GALNTL6: variants seen among roughly 807,000 people sequenced by gnomAD.
GALNTL6 encodes the protein polypeptide N-acetylgalactosaminyltransferase-like 6.
GALNTL6 carries 46 observed loss-of-function variants against 73.7 expected under a neutral mutation model. That is an observed-to-expected ratio of 0.62 (90% CI 0.49 to 0.80). GALNTL6 has a LOEUF of 0.80. Among genes scored for constraint, GALNTL6 ranks in the 30% least tolerant of loss-of-function variants. The pLI is 0.00. For missense variants in GALNTL6, 604 were observed against 755.0 expected (o/e 0.80, Z 2.34); for synonymous variants, 259 against 263.7 (o/e 0.98, Z 0.17).
chr4:172,379,558 G>A (rs1283609900), intron 5 of GALNTL6, among the ~76,000 whole-genome samples: 2,446 of 60,616 alleles, frequency 0.04, 10 homozygotes, highest in Middle Eastern at 0.081. Flanking sequence ...AAAAAAAAAA[G>A]AACGGGTTAG....
At chr4:173,003,186 G>T (rs1363093312) in intron 10 of GALNTL6, among the ~76,000 whole-genome samples, 1 of 152,078 alleles carries the variant, frequency 6.6e-6, no homozygotes, top group Non-Finnish European at 1.5e-5. Context: ...GATGTCAAAG[G>T]GCTGGGAGAC....
chr4:172,995,029 T>C (rs1579757113), intron 10 of GALNTL6, among the ~76,000 whole-genome samples: 1 of 152,154 alleles, frequency 6.6e-6, no homozygotes, highest in East Asian at 1.9e-4. Context: ...GTACTAAAAA[T>C]TTGCTTTATC....
intron 2 of GALNTL6, among the ~76,000 whole-genome samples, chr4:172,207,137 T>A (rs570362258): frequency 6.6e-6 from 1 of 151,750 alleles, no homozygotes; most frequent in East Asian, 1.9e-4. Flanking sequence ...AATGGGAGAG[T>A]CTTACAACGT....
chr4:172,469,065 C>T (rs1732942769), intron 5 of GALNTL6, among the ~76,000 whole-genome samples: 1 of 152,100 alleles, frequency 6.6e-6, no homozygotes, highest in Admixed American at 6.6e-5. Context: ...CACCCATGAC[C>T]CTCTCCTGAC....
intron 2 of GALNTL6, among the ~76,000 whole-genome samples, chr4:172,151,370 T>C (rs933131524): frequency 6.6e-6 from 1 of 152,218 alleles, no homozygotes; most frequent in African/African-American, 2.4e-5. Flanking sequence ...AGAGGAATAC[T>C]CGTATCCTGA....
intron 8 of GALNTL6, among the ~76,000 whole-genome samples, chr4:172,927,910 G>A (rs573082677): frequency 4.6e-5 from 7 of 152,290 alleles, no homozygotes; most frequent in Admixed American, 2.6e-4. Context: ...GACATAGACC[G>A]ATCCCCTAAT....
intron 4 of GALNTL6, among the ~76,000 whole-genome samples, chr4:172,314,629 G>T (rs334163): frequency 8.3e-6 from 1 of 120,120 alleles, no homozygotes; most frequent in Admixed American, 9.7e-5. Flanking sequence ...TTTTTTTGAG[G>T]CAGAGTCTCC....
At chr4:172,705,601 AT>A (rs879818429) in intron 5 of GALNTL6, among the ~76,000 whole-genome samples, 12 of 151,194 alleles carry the variant, frequency 7.9e-5, no homozygotes, top group Non-Finnish European at 1.3e-4. Flanking sequence ...CTTCAGGTGG[AT>A]TTTTTTTGGT....
intron 2 of GALNTL6, among the ~76,000 whole-genome samples, chr4:172,229,400 T>C (rs1441418924): frequency 1.3e-5 from 2 of 152,166 alleles, no homozygotes; most frequent in Non-Finnish European, 2.9e-5. Context: ...ACGCTAAATA[T>C]TAGCGTCTCT....
At chr4:173,037,747 ATT>A (rs1262218886) in intron 12 of GALNTL6, among the ~76,000 whole-genome samples, 3 of 143,552 alleles carry the variant, frequency 2.1e-5, no homozygotes, top group African/African-American at 2.5e-5. Flanking sequence ...CCACATGAGC[ATT>A]TTTTTTTTTT....
At chr4:172,829,154 A>G (rs1329157296) in intron 7 of GALNTL6, among the ~76,000 whole-genome samples, 1 of 152,244 alleles carries the variant, frequency 6.6e-6, no homozygotes, top group Non-Finnish European at 1.5e-5. Flanking sequence ...GGACAAAGGC[A>G]TGCAAGATAT....
At chr4:172,807,457 A>G (rs1741031124) in intron 5 of GALNTL6, among the ~76,000 whole-genome samples, 1 of 152,246 alleles carries the variant, frequency 6.6e-6, no homozygotes, top group African/African-American at 2.4e-5. Flanking sequence ...CAAGTGACTT[A>G]CTAGTCTTCG....
chr4:172,148,089 A>T (rs909821351), intron 2 of GALNTL6, among the ~76,000 whole-genome samples: 1 of 152,190 alleles, frequency 6.6e-6, no homozygotes, highest in Admixed American at 6.5e-5. Context: ...TCAAAGAATC[A>T]CAAAAAATTT....
intron 3 of GALNTL6, among the ~76,000 whole-genome samples, chr4:172,307,358 A>G (rs922488115): frequency 6.6e-6 from 1 of 152,172 alleles, no homozygotes; most frequent in African/African-American, 2.4e-5. Flanking sequence ...TTTTGAGTTT[A>G]ATTAAGTCCC....
At chr4:172,497,663 T>C (rs1276192737) in intron 5 of GALNTL6, among the ~76,000 whole-genome samples, 1 of 152,218 alleles carries the variant, frequency 6.6e-6, no homozygotes, top group African/African-American at 2.4e-5. Context: ...TAACAATTAT[T>C]CAAAAAATCC....
At chr4:171,833,312 T>C (rs1201466422) in intron 2 of GALNTL6, among the ~76,000 whole-genome samples, 1 of 151,744 alleles carries the variant, frequency 6.6e-6, no homozygotes, top group Non-Finnish European at 1.5e-5. Flanking sequence ...ACAAATGGTA[T>C]CTGTGAATGC....
At chr4:172,212,581 T>A (rs1243394362) in intron 2 of GALNTL6, among the ~76,000 whole-genome samples, 1 of 152,216 alleles carries the variant, frequency 6.6e-6, no homozygotes, top group Non-Finnish European at 1.5e-5. Context: ...AATAGTTTCA[T>A]CACCCTAGAT....
intron 3 of GALNTL6, among the ~76,000 whole-genome samples, chr4:172,286,145 T>G (rs943925931): frequency 6.6e-6 from 1 of 152,222 alleles, no homozygotes; most frequent in African/African-American, 2.4e-5. Flanking sequence ...GTACGTAGTA[T>G]TATTCTAACT....
intron 2 of GALNTL6, among the ~76,000 whole-genome samples, chr4:171,960,337 C>T (rs368096954): frequency 6.6e-6 from 1 of 152,184 alleles, no homozygotes; most frequent in African/African-American, 2.4e-5. Context: ...AGTGCAATGG[C>T]ATGATCTCGG....
Sources: allele counts gnomAD v4.1 joint callset (sites outside exome capture counted in the v4.1 genomes callset), GRCh38; gene constraint gnomAD v4.1.1; transcripts MANE v1.5; gene names NCBI Gene and HGNC (gene_info 2026-07-23, HGNC 2026-07-21).